The following RANGAP1 variants were observed in gnomAD, a reference collection of about 807,000 sequenced individuals.
RANGAP1 encodes the protein Ran GTPase activating protein 1.
RANGAP1 carries 38 observed loss-of-function variants against 63.5 expected under a neutral mutation model. The ratio of observed to expected loss-of-function variants is 0.60; its 90% CI spans 0.46 to 0.78. The LOEUF is 0.78. Among genes scored for constraint, RANGAP1 ranks in the 30% least tolerant of loss-of-function variants. The pLI is 0.00. For missense variants in RANGAP1, 630 were observed against 740.3 expected, an observed-to-expected ratio of 0.85 and a Z score of 1.73; for synonymous variants, 329 against 310.5, an observed-to-expected ratio of 1.06 and a Z score of -0.63.
the RANGAP1 span, chr22:41,301,921 C>G: frequency 6.6e-6 from 1 of 151,992 alleles, no homozygotes; most frequent in East Asian, 2.0e-4. Context: ...GGGCCGCGCG[C>G]CGGGCCACCT....
chr22:41,284,406 A>G (rs2035651207), intron 1 of RANGAP1, among the ~76,000 whole-genome samples: 1 of 152,018 alleles, frequency 6.6e-6, no homozygotes, highest in Admixed American at 6.6e-5. Context: ...TGTCTCTACC[A>G]AAAATACAAA....
intron 3 of RANGAP1, among the ~76,000 whole-genome samples, chr22:41,271,820 C>T (rs2034848365): frequency 6.6e-6 from 1 of 152,226 alleles, no homozygotes; most frequent in South Asian, 2.1e-4. Context: ...ACTGCTGCAG[C>T]AGCAGAGAGA....
At chr22:41,284,248 AAAAAT>A (rs1053843389) in intron 1 of RANGAP1, among the ~76,000 whole-genome samples, 2 of 151,926 alleles carry the variant, frequency 1.3e-5, no homozygotes, top group Non-Finnish European at 1.5e-5. Context: ...CTCACCTCAA[AAAAAT>A]AAAATAAAAT....
upstream of RANGAP1, among the ~76,000 whole-genome samples, chr22:41,290,445 G>T (rs928918195): frequency 3.9e-5 from 6 of 152,058 alleles, no homozygotes; most frequent in Non-Finnish European, 7.4e-5. Context: ...GTCCAGGCTA[G>T]TCTCAAACTC....
rs2032947208 is a variant in RANGAP1 at position 41,244,951 on chromosome 22, G to A, written c.*1652C>T. Among the ~76,000 whole-genome samples, 2 of 151,948 alleles carry A rather than the reference G, an allele frequency of 1.3e-5. No individual in the cohort carries two copies. The highest frequency in any genetic ancestry group is 1.5e-5 in the Non-Finnish European group (1 of 68,006). On this transcript the variant is annotated 3_prime_UTR_variant, in exon 16 of 16. Coordinates refer to ENST00000356244, the MANE Select transcript of RANGAP1 (RefSeq NM_002883.4). ...TAGCCCTGGCAACCTCTACCTTCTT[G>A]TCTCTGAATTTGCTTATTCTAGATG...
chr22:41,284,734 T>C (rs2145863952), intron 1 of RANGAP1, among the ~76,000 whole-genome samples: 1 of 152,204 alleles, frequency 6.6e-6, no homozygotes, highest in East Asian at 1.9e-4. Flanking sequence ...TAGCTGGGTG[T>C]GGTGGCAGGT....
chr22:41,260,723 C>T (rs559348500), intron 6 of RANGAP1, among the ~76,000 whole-genome samples: 1 of 151,950 alleles, frequency 6.6e-6, no homozygotes, highest in Non-Finnish European at 1.5e-5. Flanking sequence ...GGCGGGTGCC[C>T]GTAATTCCAG....
chr22:41,245,192 T>C lies in RANGAP1; in HGVS notation c.*1411A>G, dbSNP rs571444094. 3.9e-5 allele frequency among the ~76,000 whole-genome samples: 6 copies of C among 152,300 alleles called. No individual in the cohort carries two copies. The highest frequency in any genetic ancestry group is 1.4e-4 in the African/African-American group (6 of 41,560). On this transcript the variant is annotated 3_prime_UTR_variant, in exon 16 of 16. Coordinates refer to ENST00000356244, the MANE Select transcript of RANGAP1 (RefSeq NM_002883.4). The stretch of plus-strand genomic sequence containing the variant: ...GTGGCCGACTGCCAATGAGAAAATA[T>C]TGCCCTCTAAGAAACCTTGGAGGGA...
intron 1 of RANGAP1, chr22:41,281,410 A>G: frequency 2.0e-6 from 2 of 1,009,598 alleles, no homozygotes; most frequent in Non-Finnish European, 2.4e-6. Flanking sequence ...AGTGAATGGC[A>G]GTCAAGTCCC....
intron 15 of RANGAP1, among the ~76,000 whole-genome samples, chr22:41,247,874 T>A (rs1214506897): frequency 6.6e-6 from 1 of 152,208 alleles, no homozygotes; most frequent in Non-Finnish European, 1.5e-5. Context: ...ACATAGTTAA[T>A]CAGTCACCTT....
In RANGAP1 at chr22:41,282,768, G is replaced by C. The variant is rs374465942; in HGVS notation, c.-38-1686C>G. ...GAAGCCAGCTATATTAGACAGGAAC[G>C]TGGAACATCACTACATACCTGAATA... On this transcript the variant is annotated intron_variant, in intron 1 of 15. Transcript: ENST00000356244. Among the ~76,000 whole-genome samples the C allele has an allele frequency of 2.6e-5, 4 of 152,320 alleles. No homozygotes were observed. In the South Asian group the frequency reaches 6.2e-4, roughly 24 times the overall value.
chr22:41,285,545 T>A (rs2035709187), intron 1 of RANGAP1: 1 of 985,438 alleles, frequency 1.0e-6, no homozygotes, highest in Non-Finnish European at 1.2e-6. Context: ...GTGACTCACA[T>A]CGATTCCAGG....
chr22:41,249,950 G>T, intron 13 of RANGAP1, 133 bp from the exon 14 acceptor site: 1 of 735,510 alleles, frequency 1.4e-6, no homozygotes. Context: ...GCGAACACGA[G>T]AGGGACGGCA....
In RANGAP1 at chr22:41,261,301, A is replaced by G. The variant is rs563547313; in HGVS notation, c.615+145T>C. 2.6e-5 allele frequency: 32 copies of G among 1,253,642 alleles called. No homozygotes were observed. The South Asian group carries it at 4.4e-4, about 17-fold the overall frequency. The allele number at this position is 1,253,642 out of a possible 1,614,324, so 77.7% of individuals were successfully genotyped here. ...GACAGGAATTCTGGCTCATTTTCGG[A>G]TGGGTTAACAGGCTTGGAGAGGGCA... On this transcript the variant is annotated intron_variant, in intron 6 of 15. Coordinates refer to ENST00000356244, the MANE Select transcript of RANGAP1 (RefSeq NM_002883.4).
chr22:41,286,772 A>C (rs1158827098), upstream of RANGAP1, among the ~76,000 whole-genome samples: 3 of 152,242 alleles, frequency 2.0e-5, no homozygotes, highest in Admixed American at 6.5e-5. Flanking sequence ...ACAGCAGGAC[A>C]AGCTGACATT....
At chr22:41,261,218 C>T (rs1007090761) in intron 6 of RANGAP1, among the ~76,000 whole-genome samples, 5 of 152,240 alleles carry the variant, frequency 3.3e-5, no homozygotes, top group Non-Finnish European at 7.3e-5. Flanking sequence ...GGCTGGCTCA[C>T]CAGTGGGAGC....
At chr22:41,251,455 A>G (rs2033440430) in intron 12 of RANGAP1, among the ~76,000 whole-genome samples, 1 of 152,014 alleles carries the variant, frequency 6.6e-6, no homozygotes, top group African/African-American at 2.4e-5. Context: ...GCAAGACCCC[A>G]TGTCAACAAA....
intron 2 of RANGAP1, among the ~76,000 whole-genome samples, chr22:41,276,367 G>C (rs755320450): frequency 2.0e-5 from 3 of 152,202 alleles, no homozygotes; most frequent in Admixed American, 6.5e-5. Flanking sequence ...GCTGGGAGTA[G>C]TGGCTCACAC....
At chr22:41,273,766 CAAAA>C (rs71200678) in intron 3 of RANGAP1, among the ~76,000 whole-genome samples, 11 of 24,348 alleles carry the variant, frequency 4.5e-4, no homozygotes, top group South Asian at 4.2e-3. Context: ...GACTCCATCT[CAAAA>C]AAAAAAAAAA....
Sources: allele counts gnomAD v4.1 joint callset (sites outside exome capture counted in the v4.1 genomes callset), GRCh38; gene constraint gnomAD v4.1.1; transcripts MANE v1.5; gene names NCBI Gene and HGNC (gene_info 2026-07-23, HGNC 2026-07-21).